ARL13A: variants seen among roughly 807,000 people sequenced by gnomAD.
ARL13A encodes the protein ADP-ribosylation factor-like protein 13A.
A neutral mutation model predicts 19.1 loss-of-function variants in ARL13A; 16 were observed. The observed-to-expected ratio is 0.84, with a 90% CI of 0.57 to 1.27. ARL13A has a LOEUF of 1.27. Ranked by LOEUF, ARL13A falls within the 50% of genes most tolerant of loss-of-function variation. The pLI is 0.00. For missense variants in ARL13A, 153 were observed against 186.4 expected (o/e 0.82, Z 1.04); for synonymous variants, 69 against 71.3 (o/e 0.97, Z 0.17).
At chrX:100,982,705 T>C (rs1394588063) in intron 3 of ARL13A, among the ~76,000 whole-genome samples, 1 of 102,065 alleles carries the variant, frequency 9.8e-6, no homozygotes, top group Non-Finnish European at 2.0e-5. Flanking sequence ...TGGGGTGCAG[T>C]GGTACAGTGG....
chrX:100,985,982 AG>A, intron 4 of ARL13A, 66 bp downstream of exon 4: 3 of 1,129,146 alleles, frequency 2.7e-6, no homozygotes, highest in Non-Finnish European at 3.5e-6. Flanking sequence ...ATAGAAATGA[AG>A]GGTGGGGTGG....
At chrX:100,982,076 G>A (rs1361290435) in intron 3 of ARL13A, among the ~76,000 whole-genome samples, 1 of 110,830 alleles carries the variant, frequency 9.0e-6, no homozygotes, top group Non-Finnish European at 1.9e-5. Flanking sequence ...CCTAAATGAG[G>A]ACATTTAGAC....
Position 100,985,607 on chromosome X carries a change from T to A in ARL13A, c.131-60T>A. The A allele has an allele frequency of 4.3e-6, 5 of 1,158,701 alleles. No individual in the cohort carries two copies. In the Middle Eastern group the frequency reaches 1.2e-3, roughly 284 times the overall value. On this transcript the variant is annotated intron_variant, in intron 3 of 7. Coordinates refer to ENST00000450049, the MANE Select transcript of ARL13A (RefSeq NM_001162491.2). ...GAAATCGGAACCGACTCTACTCCTG[T>A]TAGATGAGTATGGAGTTTCGATCTA...
At chrX:100,976,394 T>G (rs1231955808) in intron 3 of ARL13A, among the ~76,000 whole-genome samples, 1 of 110,970 alleles carries the variant, frequency 9.0e-6, no homozygotes, top group African/African-American at 3.3e-5. Context: ...ACTTGCCCTG[T>G]GCTCAGTGAA....
At position 100,985,821 on chromosome X, in the gene ARL13A, C is replaced by T. The variant is rs200518144; in HGVS notation, c.285C>T (p.Val95=). The T allele has an allele frequency of 6.2e-4, 746 of 1,209,816 alleles. No homozygotes were observed. The highest frequency in any genetic ancestry group is 7.8e-4 in the Non-Finnish European group (699 of 895,106). ...CACAGGCCCATGGGCTTGTTTTCGT[C>T]CTGGATTCCAGTGACATAAGACGCA... is the stretch of plus-strand genomic sequence containing the variant. ...YYAQAHGLVF[V]LDSSDIRRMQ... is the part of the protein sequence containing the mutation. The change falls in exon 4 of 8, where the codon GTC becomes GTT. Residue 95 remains valine (V), a synonymous_variant. Coordinates refer to ENST00000450049, the MANE Select transcript of ARL13A (RefSeq NM_001162491.2).
At chrX:100,981,876 T>C (rs757884297) in intron 3 of ARL13A, among the ~76,000 whole-genome samples, 2 of 107,740 alleles carry the variant, frequency 1.9e-5, no homozygotes, top group African/African-American at 6.7e-5. Flanking sequence ...TTGGTTCTTA[T>C]GAAGGTGCTT....
chrX:100,975,360 A>C (rs1270530764), intron 3 of ARL13A, among the ~76,000 whole-genome samples: 1 of 111,639 alleles, frequency 9.0e-6, no homozygotes, highest in Non-Finnish European at 1.9e-5. Context: ...TGACCTCAGG[A>C]AAGCCTTCCC....
Position 100,987,537 on chromosome X carries a change from G to C in ARL13A, c.634G>C (p.Glu212Gln). Residue 212 changes from glutamate to glutamine, a missense_variant, in exon 6 of 8, where the codon GAA (glutamate) becomes CAA (glutamine). Transcript: ENST00000450049. ...SISKNNTGSG[E>Q]RCSSHSFSTR... The stretch of plus-strand genomic sequence containing the variant: ...CTCCAAGAATAACACAGGCTCTGGA[G>C]AAAGATGCTCATCACACAGGTACTG... 1 of 1,211,064 alleles carries C rather than the reference G, an allele frequency of 8.3e-7. No individual in the cohort carries two copies. Among genetic ancestry groups the C allele is most frequent in the Non-Finnish European group, 1.1e-6 (1 of 895,385 alleles).
At chrX:100,988,678 A>G (rs1214759102) in intron 7 of ARL13A, 1 of 491,851 alleles carries the variant, frequency 2.0e-6, no homozygotes, top group Non-Finnish European at 2.7e-6. Flanking sequence ...GGTGATTAGG[A>G]GAAAAGCACC....
In ARL13A at chrX:100,987,416, T is replaced by C. The variant is rs751218165; in HGVS notation, c.513T>C (p.Leu171=). Residue 171 remains leucine (L), a synonymous_variant, in exon 6 of 8, where the codon CTT becomes CTC. Transcript: ENST00000450049. The part of the protein sequence containing the change: ...RVEPCSAIRN[L]ERRNHQPIVE... ...AGCCATGTTCAGCCATCAGAAACCT[T>C]GAAAGAAGAAACCATCAGCCCATAG... 2 of 1,210,835 alleles carry C rather than the reference T, an allele frequency of 1.7e-6. No individual in the cohort carries two copies. Among genetic ancestry groups the C allele is most frequent in the Non-Finnish European group, 2.2e-6 (2 of 895,308 alleles).
At chrX:100,990,512 A>G (rs1274307078) in intron 7 of ARL13A, 50 bp from the exon 8 acceptor site, 76 of 1,085,556 alleles carry the variant, frequency 7.0e-5, no homozygotes, top group Non-Finnish European at 8.7e-5. Context: ...CACCTACTCT[A>G]ATATCACATC....
At chrX:100,982,582 A>G (rs1273484924) in intron 3 of ARL13A, among the ~76,000 whole-genome samples, 3 of 110,082 alleles carry the variant, frequency 2.7e-5, no homozygotes, top group Non-Finnish European at 3.8e-5. Flanking sequence ...GGAGCTTTCA[A>G]ACCTACTGAC....
chrX:100,987,334 G>A (rs1296438949), intron 5 of ARL13A, 56 bp from the exon 6 acceptor site: 87 of 1,147,055 alleles, frequency 7.6e-5, no homozygotes, highest in Middle Eastern at 2.7e-4. Context: ...CTGGTTCTGC[G>A]GGCCCCAGGG....
chrX:100,970,911 A>T (rs1327742357), intron 1 of ARL13A, among the ~76,000 whole-genome samples: 1 of 112,365 alleles, frequency 8.9e-6, no homozygotes, highest in Admixed American at 9.4e-5. Flanking sequence ...ACAGTCTGGC[A>T]GTTCTTCAAG....
chrX:100,973,496 C>T (rs990815595), intron 1 of ARL13A, among the ~76,000 whole-genome samples, 180 bp from the exon 2 acceptor site: 148 of 110,687 alleles, frequency 1.3e-3, no homozygotes, highest in Non-Finnish European at 2.4e-3. Flanking sequence ...TCCCGGCGGT[C>T]GGGCGGCGGC....
chrX:100,975,726 A>C (rs1249201615), intron 3 of ARL13A, among the ~76,000 whole-genome samples: 1 of 107,079 alleles, frequency 9.3e-6, no homozygotes, highest in Non-Finnish European at 1.9e-5. Flanking sequence ...TCCACCTCCC[A>C]GGTTCAAGCG....
chrX:100,974,077 A>C, intron 2 of ARL13A, 50 bp from the exon 3 acceptor site: 1 of 1,021,954 alleles, frequency 9.8e-7, no homozygotes, highest in Non-Finnish European at 1.4e-6. Flanking sequence ...GTTTAGCCTA[A>C]AACCTACCTG....
At chrX:100,973,777 A>G (rs761206483) in intron 2 of ARL13A, 29 bp downstream of exon 2, 9 of 1,177,777 alleles carry the variant, frequency 7.6e-6, no homozygotes, top group African/African-American at 1.7e-5. Context: ...CCCTAGGCCT[A>G]TTCCACTATT....
intron 4 of ARL13A, among the ~76,000 whole-genome samples, chrX:100,986,284 C>T (rs2085934709): frequency 1.8e-5 from 2 of 111,743 alleles, no homozygotes; most frequent in Non-Finnish European, 1.9e-5. Flanking sequence ...GCAGAGAACT[C>T]CTATCTTGTA....
Sources: allele counts gnomAD v4.1 joint callset (sites outside exome capture counted in the v4.1 genomes callset), GRCh38; gene constraint gnomAD v4.1.1; transcripts MANE v1.5; gene names NCBI Gene and HGNC (gene_info 2026-07-23, HGNC 2026-07-21).